The following HPS1 variants were observed in gnomAD, a reference collection of about 807,000 sequenced individuals.
The protein encoded by HPS1 is HPS1 biogenesis of lysosomal organelles complex 3 subunit 1.
A neutral mutation model predicts 90.6 loss-of-function variants in HPS1; 59 were observed. That is an observed-to-expected ratio of 0.65 (90% CI 0.53 to 0.81). HPS1 has a LOEUF of 0.81. Ranked by LOEUF, HPS1 falls within the 30% of genes least tolerant of loss-of-function variation. HPS1 has a pLI of 0.00. For synonymous variants in HPS1, 388 were observed against 384.4 expected, an observed-to-expected ratio of 1.01 and a Z score of -0.11; for missense variants, 849 against 896.7, an observed-to-expected ratio of 0.95 and a Z score of 0.68.
intron 13 of HPS1, 132 bp downstream of exon 13, chr10:98,425,409 C>T (rs895857510): frequency 1.6e-5 from 13 of 831,914 alleles, no homozygotes; most frequent in Admixed American, 4.3e-5. Context: ...AAACAAGGAT[C>T]GTAGGCCCGG....
rs281865088 is a variant in HPS1 at position 98,420,160 on chromosome 10, T to G, written c.1744-2A>C. On this transcript the variant is annotated splice_acceptor_variant, in intron 17 of 19. Transcript: ENST00000361490. LOFTEE classifies it high-confidence loss of function. ...CGCCAGCTGGATCAGAGACCAGACC[T>G]GGGGAAAAGACAGCAAGCATCACCA... 26 of 1,605,642 alleles carry G rather than the reference T, an allele frequency of 1.6e-5. No homozygotes were observed. The highest frequency in any genetic ancestry group is 2.0e-5 in the Non-Finnish European group (24 of 1,172,570).
At chr10:98,443,366 C>G (rs758264475) in intron 2 of HPS1, 126 bp from the exon 3 acceptor site, 1 of 784,750 alleles carries the variant, frequency 1.3e-6, no homozygotes, top group Non-Finnish European at 2.3e-6. Flanking sequence ...CCAGGCATCA[C>G]AAGGGACTTC....
At position 98,427,236 on chromosome 10, in the gene HPS1, G is replaced by C. The variant is rs1303613265; in HGVS notation, c.966C>G (p.Thr322=). The change falls in exon 11 of 20, where the codon ACC becomes ACG. Residue 322 remains threonine, a synonymous_variant. Coordinates refer to ENST00000361490, the MANE Select transcript of HPS1 (RefSeq NM_000195.5). Reference sequence around the variant, plus strand: ...TCACCTGAAGGGCATCCATGGGGGGGGTGCCCCCCTCCAGCCAGATGGTGC... The same window carrying C: ...TCACCTGAAGGGCATCCATGGGGGGCGTGCCCCCCTCCAGCCAGATGGTGC... ...SGSTIWLEGG[T]PPMDALQIAE... The C allele has an allele frequency of 1.3e-6, 2 of 1,551,376 alleles. No individual in the cohort carries two copies. Among genetic ancestry groups the C allele is most frequent in the African/African-American group, 1.4e-5 (1 of 73,166 alleles).
intron 16 of HPS1, 92 bp from the exon 17 acceptor site, chr10:98,422,605 G>A: frequency 7.7e-7 from 1 of 1,302,762 alleles, no homozygotes; most frequent in South Asian, 1.2e-5. Flanking sequence ...CATGGTGGCA[G>A]GAGGGCCAGG....
Position 98,435,324 on chromosome 10 carries a change from A to G in HPS1, c.346T>C (p.Phe116Leu), listed in dbSNP as rs112290179. The G allele has an allele frequency of 6.2e-7, 1 of 1,613,634 alleles. No individual in the cohort carries two copies. ...RRKLYVLKYL[F>L]EVHFGLVTVD... ...GTCACCAGCCCAAAGTGCACTTCAA[A>G]CAGGTACTTGAGCACATACAGCTTC... The change falls in exon 5 of 20, where the codon TTT (phenylalanine) becomes CTT (leucine). Residue 116 changes from phenylalanine to leucine, a missense_variant. Coordinates refer to ENST00000361490, the MANE Select transcript of HPS1 (RefSeq NM_000195.5). The surrounding 1 kb of genome is among the most constrained non-coding windows in gnomAD (Gnocchi z 4.3).
At chr10:98,415,232 G>C (rs1474587189), downstream of HPS1, 42 of 1,463,088 alleles carry the variant, frequency 2.9e-5, no homozygotes, top group Middle Eastern at 4.0e-4. Flanking sequence ...GAAGCAGGAA[G>C]AGGAGGAGCT....
chr10:98,427,331 T>G (rs568902356), intron 10 of HPS1, 67 bp from the exon 11 acceptor site: 2 of 1,372,812 alleles, frequency 1.5e-6, no homozygotes, highest in Non-Finnish European at 2.0e-6. Flanking sequence ...CTCAACAGCA[T>G]GGGGTAGGGG....
chr10:98,427,656 A>G (rs1845798463), intron 10 of HPS1, among the ~76,000 whole-genome samples: 1 of 150,168 alleles, frequency 6.7e-6, no homozygotes, highest in Non-Finnish European at 1.5e-5. Flanking sequence ...CTCAGGAGTC[A>G]GCACACACAG....
chr10:98,417,614 C>T lies in HPS1; in HGVS notation c.2053G>A (p.Gly685Ser), dbSNP rs554593853. 23 of 1,612,462 alleles carry T rather than the reference C, an allele frequency of 1.4e-5. No individual in the cohort carries two copies. The highest frequency in any genetic ancestry group is 9.9e-5 in the South Asian group (9 of 90,980). ...TCCCAGAGGCGCCGGGCCAGCTGGC[C>T]GGCCTGCTGCACCAGCAGGTCAGTG... Reference protein sequence around the residue: ...IPTDLLVQQAGQLARRLWEAS... With the variant: ...IPTDLLVQQASQLARRLWEAS... The change falls in exon 20 of 20, where the codon GGC becomes AGC. Residue 685 changes from glycine to serine, a missense_variant. By Grantham distance (56) the Gly-to-Ser change is moderately conservative. Coordinates refer to ENST00000361490, the MANE Select transcript of HPS1 (RefSeq NM_000195.5). This position sits in a 1 kb window ranked among gnomAD's most constrained non-coding sequence, Gnocchi z 4.2.
At position 98,417,686 on chromosome 10, in the gene HPS1, C is replaced by T; in HGVS notation, c.1981G>A (p.Ala661Thr). The T allele has an allele frequency of 1.9e-6, 3 of 1,613,894 alleles. No homozygotes were observed. The highest frequency in any genetic ancestry group is 2.5e-6 in the Non-Finnish European group (3 of 1,179,974). Residue 661 changes from alanine (A) to threonine (T), a missense_variant, in exon 20 of 20, where the codon GCT becomes ACT. Ala to Thr is a moderately conservative substitution (Grantham distance 58). Coordinates refer to ENST00000361490, the MANE Select transcript of HPS1 (RefSeq NM_000195.5). The surrounding 1 kb of genome is among the most constrained non-coding windows in gnomAD (Gnocchi z 4.2). ...RYYSKNRPTE[A>T]VRCYELLALH... ...GCCAGCAGCTCGTAGCACCTGACAG[C>T]CTCGGTTGGGCGGTTCTTGCTGTAG...
chr10:98,415,233 A>G (rs1375377279), downstream of HPS1: 3 of 1,458,612 alleles, frequency 2.1e-6, no homozygotes, highest in Non-Finnish European at 2.7e-6. Flanking sequence ...AAGCAGGAAG[A>G]GGAGGAGCTG....
intron 8 of HPS1, 126 bp from the exon 9 acceptor site, chr10:98,430,015 C>T (rs1344994674): frequency 2.5e-6 from 2 of 785,792 alleles, no homozygotes; most frequent in East Asian, 5.3e-5. Context: ...CGGGTGCAGT[C>T]CTGGGTGTGT....
chr10:98,429,762 C>T (rs1452454259), intron 9 of HPS1, 29 bp downstream of exon 9: 1 of 1,613,374 alleles, frequency 6.2e-7, no homozygotes, highest in Non-Finnish European at 8.5e-7. Flanking sequence ...CCCTCCTGCC[C>T]CTGACTCCAC....
chr10:98,420,738 A>T (rs976046939), intron 17 of HPS1, among the ~76,000 whole-genome samples: 5 of 152,180 alleles, frequency 3.3e-5, no homozygotes, highest in Non-Finnish European at 5.9e-5. Flanking sequence ...TATTAAAAAA[A>T]AAATAAATTA....
At chr10:98,420,313 G>GCTC in intron 17 of HPS1, 155 bp from the exon 18 acceptor site, 1 of 680,520 alleles carries the variant, frequency 1.5e-6, no homozygotes, top group Non-Finnish European at 2.7e-6. Flanking sequence ...AGAGCAGGAG[G>GCTC]CTCAACAATA....
At chr10:98,426,745 A>AGTGT (rs58431822) in intron 11 of HPS1, among the ~76,000 whole-genome samples, 2,792 of 147,894 alleles carry the variant, frequency 0.019, 47 homozygotes, top group African/African-American at 0.05. Flanking sequence ...GTACATATGT[A>AGTGT]GTGTGTGTGT....
At position 98,429,584 on chromosome 10, in the gene HPS1, T is replaced by C. The variant is rs141366997; in HGVS notation, c.926A>G (p.Asp309Gly). Residue 309 changes from aspartate (D) to glycine (G), a missense_variant, in exon 10 of 20, where the codon GAT (aspartate) becomes GGT (glycine). Asp to Gly is a moderately conservative substitution (Grantham distance 94, BLOSUM62 -1). Coordinates refer to ENST00000361490, the MANE Select transcript of HPS1 (RefSeq NM_000195.5). ...EYFTPAPSPG[D>G]QSSGSTIWLE... Reference sequence around the variant, plus strand: ...CCTCCGGTCCTCACCTGAGCTCTGATCGCCAGGGGAAGGAGCTGGTGTGAA... The same window carrying C: ...CCTCCGGTCCTCACCTGAGCTCTGACCGCCAGGGGAAGGAGCTGGTGTGAA... The C allele has an allele frequency of 7.8e-5, 126 of 1,614,170 alleles. No homozygotes were observed. The African/African-American group carries it at 1.5e-3, about 19-fold the overall frequency.
intron 18 of HPS1, among the ~76,000 whole-genome samples, chr10:98,419,264 A>G (rs963467607): frequency 2.0e-5 from 3 of 152,190 alleles, no homozygotes; most frequent in Non-Finnish European, 4.4e-5. Context: ...CCAGAGACCA[A>G]GGGCTGCGAG....
intron 10 of HPS1, among the ~76,000 whole-genome samples, chr10:98,428,528 G>C (rs1302800710): frequency 6.6e-6 from 1 of 152,190 alleles, no homozygotes; most frequent in Non-Finnish European, 1.5e-5. Context: ...CCCACAGACT[G>C]TAACTTAATT....
Sources: gnomAD v4.1 joint callset for allele counts (sites outside exome capture counted in the v4.1 genomes callset) on GRCh38, gnomAD v4.1.1 for gene constraint, Gnocchi (gnomAD v3.1) non-coding constraint, MANE v1.5 for transcripts, NCBI Gene and HGNC (gene_info 2026-07-23, HGNC 2026-07-21) for gene names.